The following MYO16 variants were observed in gnomAD, a reference collection of about 807,000 sequenced individuals.
The protein encoded by MYO16 is myosin XVI, also known as unconventional myosin-XVI.
A neutral mutation model predicts 205.3 loss-of-function variants in MYO16; 94 were observed. The ratio of observed to expected loss-of-function variants is 0.46; its 90% CI spans 0.39 to 0.54. MYO16 has a LOEUF of 0.54. MYO16 is among the 20% of genes least tolerant of loss of function. The pLI, the probability that MYO16 is intolerant of heterozygous loss-of-function variation, is 0.00. For synonymous variants in MYO16, 988 were observed against 954.0 expected (o/e 1.04, Z -0.66); for missense variants, 2,315 against 2,387.5 (o/e 0.97, Z 0.63).
chr13:109,043,472 G>T (rs1886944441), intron 23 of MYO16, among the ~76,000 whole-genome samples: 1 of 152,180 alleles, frequency 6.6e-6, no homozygotes, highest in Non-Finnish European at 1.5e-5. Context: ...TAGAATTGTA[G>T]ATTGTGGCTA....
At chr13:108,903,149 G>C (rs1229815110) in intron 15 of MYO16, among the ~76,000 whole-genome samples, 1 of 152,130 alleles carries the variant, frequency 6.6e-6, no homozygotes, top group African/African-American at 2.4e-5. Context: ...ATGAAAAGGT[G>C]AAAGTTCTCA....
chr13:108,903,032 A>C (rs974374894), intron 15 of MYO16, among the ~76,000 whole-genome samples: 1 of 152,154 alleles, frequency 6.6e-6, no homozygotes, highest in Non-Finnish European at 1.5e-5. Flanking sequence ...TCCGCTACCC[A>C]CCTGTTAATC....
At chr13:108,758,841 A>T (rs181057982) in intron 4 of MYO16, among the ~76,000 whole-genome samples, 4 of 152,332 alleles carry the variant, frequency 2.6e-5, no homozygotes, top group Admixed American at 2.0e-4. Context: ...GGACTCGGAA[A>T]AATACGTGAT....
chr13:108,909,620 C>T (rs146966422), intron 15 of MYO16, among the ~76,000 whole-genome samples: 4 of 151,730 alleles, frequency 2.6e-5, no homozygotes, highest in African/African-American at 9.7e-5. Flanking sequence ...TTTAGTGGGG[C>T]ACTTTTTGAA....
rs567842695 is a variant in MYO16, at chr13:109,018,758, C to T, written c.2596-953C>T. 6.6e-5 allele frequency among the ~76,000 whole-genome samples: 10 copies of T among 152,298 alleles called. No homozygotes were observed. In the South Asian group the frequency reaches 2.1e-3, roughly 32 times the overall value. On this transcript the variant is annotated intron_variant, in intron 22 of 34. Coordinates refer to ENST00000457511, the MANE Select transcript of MYO16 (RefSeq NM_001198950.3). The stretch of plus-strand genomic sequence containing the variant: ...CCCTTGGCTAGGAAAGGGAAATCCC[C>T]CGACCCCTTGCACTTCCTGGGTGAT...
At chr13:109,181,565 T>G (rs1302507894) in intron 34 of MYO16, among the ~76,000 whole-genome samples, 1 of 152,190 alleles carries the variant, frequency 6.6e-6, no homozygotes, top group African/African-American at 2.4e-5. Flanking sequence ...ATGTCTATAT[T>G]TTCATTAGCC....
chr13:109,105,311 A>C (rs1331487196), intron 28 of MYO16, among the ~76,000 whole-genome samples: 1 of 152,166 alleles, frequency 6.6e-6, no homozygotes, highest in African/African-American at 2.4e-5. Flanking sequence ...TCTCTACTAA[A>C]AATACAAAAA....
intron 2 of MYO16, among the ~76,000 whole-genome samples, chr13:108,668,633 A>G (rs1390893413): frequency 6.6e-6 from 1 of 152,116 alleles, no homozygotes; most frequent in Non-Finnish European, 1.5e-5. Flanking sequence ...ACAGTGATGG[A>G]TACGGGGCAG....
intron 13 of MYO16, among the ~76,000 whole-genome samples, chr13:108,885,136 T>A (rs1594369250): frequency 6.6e-6 from 1 of 152,056 alleles, no homozygotes; most frequent in Non-Finnish European, 1.5e-5. Flanking sequence ...TTCTTTCTTT[T>A]GATACGGAGT....
chr13:109,104,875 A>G (rs1594089707), intron 28 of MYO16, among the ~76,000 whole-genome samples: 1 of 151,874 alleles, frequency 6.6e-6, no homozygotes, highest in African/African-American at 2.4e-5. Flanking sequence ...ACTATCCTCG[A>G]CCTTCGTACT....
At chr13:108,878,359 G>A (rs1879427153) in intron 12 of MYO16, among the ~76,000 whole-genome samples, 1 of 152,166 alleles carries the variant, frequency 6.6e-6, no homozygotes, top group South Asian at 2.1e-4. Flanking sequence ...TCTGAATGTT[G>A]AGAGGAGTTC....
intron 16 of MYO16, among the ~76,000 whole-genome samples, chr13:108,914,919 A>C (rs1450112539): frequency 6.6e-6 from 1 of 152,232 alleles, no homozygotes; most frequent in African/African-American, 2.4e-5. Flanking sequence ...CTGGGATCAC[A>C]AGCATGAACC....
chr13:108,945,839 C>G (rs549817871), intron 16 of MYO16, among the ~76,000 whole-genome samples: 3 of 152,028 alleles, frequency 2.0e-5, no homozygotes, highest in Admixed American at 2.0e-4. Flanking sequence ...AGAGTGTACA[C>G]GTTTTACTCA....
At chr13:108,724,495 C>G (rs142355439) in intron 3 of MYO16, among the ~76,000 whole-genome samples, 1 of 152,298 alleles carries the variant, frequency 6.6e-6, no homozygotes, top group East Asian at 1.9e-4. Context: ...TTTGCACTTA[C>G]TTATATGGTT....
intron 1 of MYO16, among the ~76,000 whole-genome samples, chr13:108,600,816 G>A (rs1159314686): frequency 2.6e-5 from 4 of 152,104 alleles, no homozygotes; most frequent in African/African-American, 7.2e-5. Context: ...AGTGATAACG[G>A]TCTTGCCTTA....
At chr13:109,048,664 CTG>C (rs2139596960) in intron 24 of MYO16, 1 of 256,894 alleles carries the variant, frequency 3.9e-6, no homozygotes. Flanking sequence ...TTTTATGAAT[CTG>C]TGAAATACTT....
chr13:108,536,817 G>A, the MYO16 span, among the ~76,000 whole-genome samples: 2 of 152,136 alleles, frequency 1.3e-5, no homozygotes, highest in African/African-American at 2.4e-5. Flanking sequence ...TAAAAATGGA[G>A]GAAGTAAGAA....
chr13:108,903,999 G>T (rs1009943054), intron 15 of MYO16, among the ~76,000 whole-genome samples: 3 of 152,134 alleles, frequency 2.0e-5, no homozygotes, highest in Non-Finnish European at 2.9e-5. Flanking sequence ...TGGACAGGGA[G>T]TATCATCATA....
intron 21 of MYO16, among the ~76,000 whole-genome samples, chr13:109,003,317 A>AT (rs1049821130): frequency 1.3e-5 from 2 of 152,136 alleles, no homozygotes; most frequent in African/African-American, 4.8e-5. Context: ...TTACTTTAAA[A>AT]TTTTTTCCCC....
Sources: gnomAD v4.1 joint callset for allele counts (sites outside exome capture counted in the v4.1 genomes callset) on GRCh38, gnomAD v4.1.1 for gene constraint, MANE v1.5 for transcripts, NCBI Gene and HGNC (gene_info 2026-07-23, HGNC 2026-07-21) for gene names.